The following DYM variants were observed in gnomAD, a reference collection of about 807,000 sequenced individuals.
The protein encoded by DYM is dymeclin, also known as dyggve-Melchior-Clausen syndrome protein.
DYM carries 78 observed loss-of-function variants against 93.1 expected under a neutral mutation model. That is an observed-to-expected ratio of 0.84 (90% CI 0.70 to 1.01). The LOEUF (loss-of-function observed/expected upper bound fraction) is 1.01. DYM is among the 50% of genes least tolerant of loss of function. DYM has a pLI of 0.00. For synonymous variants in DYM, 321 were observed against 319.7 expected (o/e 1.00, Z -0.04); for missense variants, 789 against 845.0 (o/e 0.93, Z 0.82).
intron 14 of DYM, among the ~76,000 whole-genome samples, chr18:49,198,712 A>C (rs867753383): frequency 0.018 from 2,689 of 151,626 alleles, 64 homozygotes; most frequent in African/African-American, 0.055. Flanking sequence ...GGCAATCATT[A>C]AAAAGTCAGG....
intron 13 of DYM, among the ~76,000 whole-genome samples, chr18:49,222,448 G>T (rs981422954): frequency 6.6e-6 from 1 of 152,040 alleles, no homozygotes; most frequent in Non-Finnish European, 1.5e-5. Flanking sequence ...GAGACATCTT[G>T]TTGGCCTAAA....
chr18:49,072,769 G>A (rs1417556113), intron 17 of DYM, among the ~76,000 whole-genome samples: 5 of 152,216 alleles, frequency 3.3e-5, no homozygotes, highest in South Asian at 4.1e-4. Flanking sequence ...AGACAGCGCC[G>A]TGCAAATAGG....
At chr18:49,293,797 T>G (rs893247366) in intron 8 of DYM, among the ~76,000 whole-genome samples, 1 of 152,234 alleles carries the variant, frequency 6.6e-6, no homozygotes, top group Non-Finnish European at 1.5e-5. Context: ...TTTCTTTTGC[T>G]GTGCAGAAGC....
intron 8 of DYM, among the ~76,000 whole-genome samples, chr18:49,313,496 A>AAAAAAAC: frequency 7.0e-6 from 1 of 142,862 alleles, no homozygotes; most frequent in African/African-American, 2.7e-5. Flanking sequence ...AAAAAAAAAA[A>AAAAAAAC]AGGGCTGCAG....
chr18:49,156,155 T>C (rs561208401), intron 15 of DYM, among the ~76,000 whole-genome samples: 24 of 152,374 alleles, frequency 1.6e-4, no homozygotes, highest in African/African-American at 5.3e-4. Context: ...ATGTTGAGTA[T>C]ATTTTGATGT....
chr18:49,173,484 T>A (rs2089008389), intron 14 of DYM, among the ~76,000 whole-genome samples: 1 of 152,108 alleles, frequency 6.6e-6, no homozygotes. Context: ...TGTTTTATAG[T>A]TTTCAGTGTA....
At chr18:49,279,528 C>T (rs1305936005) in intron 10 of DYM, among the ~76,000 whole-genome samples, 1 of 152,106 alleles carries the variant, frequency 6.6e-6, no homozygotes, top group African/African-American at 2.4e-5. Context: ...AATAAACAAA[C>T]ACCACCCTCC....
intron 16 of DYM, among the ~76,000 whole-genome samples, chr18:49,100,198 A>G (rs1332506539): frequency 6.6e-6 from 1 of 152,168 alleles, no homozygotes; most frequent in Non-Finnish European, 1.5e-5. Context: ...AATAAATAAC[A>G]GCTCTAATAT....
Position 49,292,615 on chromosome 18 carries a change from A to C in DYM, c.764-5999T>G, listed in dbSNP as rs1289392668. Among the ~76,000 whole-genome samples, 6 of 137,638 alleles carry C rather than the reference A, an allele frequency of 4.4e-5. 1 individual carries two copies. Among genetic ancestry groups the C allele is most frequent in the African/African-American group, 1.4e-4 (5 of 35,364 alleles). The allele number at this position is 137,638 out of a possible 152,430, so 90.3% of individuals were successfully genotyped here. On this transcript the variant is annotated intron_variant, in intron 8 of 17. Coordinates refer to ENST00000675505, the MANE Select transcript of DYM (RefSeq NM_001353214.3). ...TGGAAAAAAAAAAAAAAAAAAAAAA[A>C]AAAAAAAAAACCCCCACAAAAACCT...
intron 13 of DYM, among the ~76,000 whole-genome samples, chr18:49,213,930 C>G (rs1431559396): frequency 6.6e-6 from 1 of 152,128 alleles, no homozygotes; most frequent in Non-Finnish European, 1.5e-5. Flanking sequence ...GAAGGGAAGA[C>G]AAAATATTAA....
intron 13 of DYM, among the ~76,000 whole-genome samples, chr18:49,227,463 C>CAT (rs2093572252): frequency 2.0e-5 from 3 of 152,078 alleles, no homozygotes; most frequent in African/African-American, 4.8e-5. Flanking sequence ...AACAAGTTTT[C>CAT]ATATATATAC....
At position 49,437,992 on chromosome 18, in the gene DYM, C is replaced by A. The variant is rs371441853; in HGVS notation, c.-53-7545G>T. The stretch of plus-strand genomic sequence containing the variant: ...GGAGGATTGCTTGAGCCCAGGAGTA[C>A]GAGGCCAGCCTGGGCAAGACCCCAT... On this transcript the variant is annotated intron_variant, in intron 1 of 17. Coordinates refer to ENST00000675505, the MANE Select transcript of DYM (RefSeq NM_001353214.3). Among the ~76,000 whole-genome samples the A allele has an allele frequency of 2.0e-5, 3 of 152,022 alleles. No individual in the cohort carries two copies. In the South Asian group the frequency reaches 6.2e-4, roughly 32 times the overall value.
chr18:49,182,655 T>C lies in DYM; in HGVS notation c.1626-18868A>G, dbSNP rs75855906. 5.8e-3 allele frequency among the ~76,000 whole-genome samples: 881 copies of C among 152,296 alleles called. 3 individuals carry two copies. The highest frequency in any genetic ancestry group is 9.3e-3 in the Non-Finnish European group (630 of 68,016). Reference sequence around the variant, plus strand: ...TCTATCCTTTTGCTATAGTTTTCCATTTGTCCTATTGATTCTTTTTTTCCC... The same window carrying C: ...TCTATCCTTTTGCTATAGTTTTCCACTTGTCCTATTGATTCTTTTTTTCCC... On this transcript the variant is annotated intron_variant, in intron 14 of 17. Transcript: ENST00000675505.
intron 13 of DYM, among the ~76,000 whole-genome samples, chr18:49,248,357 G>A (rs1173245882): frequency 6.6e-6 from 1 of 152,082 alleles, no homozygotes; most frequent in Non-Finnish European, 1.5e-5. Flanking sequence ...TTTATTTTTA[G>A]ATTCAAAATA....
At chr18:49,362,271 G>A (rs551426569) in intron 6 of DYM, among the ~76,000 whole-genome samples, 15 of 152,250 alleles carry the variant, frequency 9.9e-5, no homozygotes, top group Admixed American at 8.5e-4. Context: ...GCTGAGGTGG[G>A]AGGATCACTT....
At chr18:49,205,806 C>A (rs1430203050) in intron 14 of DYM, 1 of 152,804 alleles carries the variant, frequency 6.5e-6, no homozygotes, top group Non-Finnish European at 1.5e-5. Flanking sequence ...TATTGGTAGG[C>A]AGGCTTAACA....
chr18:49,213,965 C>G (rs1202977932), intron 13 of DYM, among the ~76,000 whole-genome samples: 1 of 152,198 alleles, frequency 6.6e-6, no homozygotes, highest in Non-Finnish European at 1.5e-5. Context: ...TTCACAGATT[C>G]AAAATCTCAA....
Position 49,149,129 on chromosome 18 carries a change from A to G in DYM, c.1728+14556T>C, listed in dbSNP as rs78698225. ...TGTAACCTAGATCCTTTGCGTGTAC[A>G]GTTCACAATAGGGTTGGCGCTCCTA... is the stretch of plus-strand genomic sequence containing the variant. On this transcript the variant is annotated intron_variant, in intron 15 of 17. Transcript: ENST00000675505. 5.9e-3 allele frequency among the ~76,000 whole-genome samples: 897 copies of G among 152,252 alleles called. 4 individuals are homozygous for G. The highest frequency in any genetic ancestry group is 9.4e-3 in the Non-Finnish European group (641 of 68,018).
At chr18:49,298,213 G>A (rs189406228) in intron 8 of DYM, among the ~76,000 whole-genome samples, 3 of 152,184 alleles carry the variant, frequency 2.0e-5, no homozygotes, top group African/African-American at 7.2e-5. Context: ...AAAAACACAT[G>A]GGCGAACAAA....
Sources: gnomAD v4.1 joint callset for allele counts (sites outside exome capture counted in the v4.1 genomes callset) on GRCh38, gnomAD v4.1.1 for gene constraint, MANE v1.5 for transcripts, NCBI Gene and HGNC (gene_info 2026-07-23, HGNC 2026-07-21) for gene names.